ADARB2: variants seen among roughly 807,000 people sequenced by gnomAD.
The protein encoded by ADARB2 is adenosine deaminase RNA specific B2 (inactive), also known as inactive double-stranded RNA-specific editase B2.
ADARB2 carries 25 observed loss-of-function variants against 62.2 expected under a neutral mutation model. The observed-to-expected ratio is 0.40, with a 90% CI of 0.29 to 0.56. The LOEUF (loss-of-function observed/expected upper bound fraction) is 0.56. Among genes scored for constraint, ADARB2 ranks in the 20% least tolerant of loss-of-function variants. ADARB2 has a pLI of 0.43. For missense variants in ADARB2, 1,071 were observed against 1,077.4 expected (o/e 0.99, Z 0.08); for synonymous variants, 572 against 500.8 (o/e 1.14, Z -1.90).
chr10:1,269,958 A>G (rs895613147), intron 4 of ADARB2, among the ~76,000 whole-genome samples: 7 of 152,222 alleles, frequency 4.6e-5, no homozygotes, highest in Admixed American at 2.6e-4. Flanking sequence ...ATATTTATAT[A>G]CTGGATGATG....
At chr10:1,713,605 T>C (rs368637570) in intron 1 of ADARB2, among the ~76,000 whole-genome samples, 37 of 152,154 alleles carry the variant, frequency 2.4e-4, no homozygotes, top group South Asian at 1.9e-3. Flanking sequence ...TTCTATTTGG[T>C]CAAAAAGCAA....
chr10:1,340,057 A>G (rs907773765), intron 3 of ADARB2, among the ~76,000 whole-genome samples: 2 of 151,996 alleles, frequency 1.3e-5, no homozygotes, highest in African/African-American at 4.8e-5. Context: ...TGGGTCCGGA[A>G]TTGAATCAGC....
intron 1 of ADARB2, among the ~76,000 whole-genome samples, chr10:1,662,445 G>T (rs1424728088): frequency 6.6e-6 from 1 of 152,162 alleles, no homozygotes; most frequent in African/African-American, 2.4e-5. Context: ...AGCCTGACCT[G>T]CCTGCTCTTG....
chr10:1,649,004 C>A (rs1386905069), intron 1 of ADARB2, among the ~76,000 whole-genome samples: 1 of 152,192 alleles, frequency 6.6e-6, no homozygotes, highest in Non-Finnish European at 1.5e-5. Flanking sequence ...GATAATAAGG[C>A]ACTTTACAGA....
At chr10:1,402,755 CG>C (rs1832675784) in intron 1 of ADARB2, among the ~76,000 whole-genome samples, 1 of 152,182 alleles carries the variant, frequency 6.6e-6, no homozygotes, top group Non-Finnish European at 1.5e-5. Flanking sequence ...TCAGCTCCAA[CG>C]GGGGCTCTGA....
intron 4 of ADARB2, among the ~76,000 whole-genome samples, chr10:1,268,052 A>G (rs1037834004): frequency 2.0e-5 from 3 of 152,182 alleles, no homozygotes; most frequent in Admixed American, 6.5e-5. Context: ...AGGGAGTGAA[A>G]CCACACCCAA....
At chr10:1,251,345 A>G (rs1831036336) in intron 4 of ADARB2, among the ~76,000 whole-genome samples, 1 of 152,232 alleles carries the variant, frequency 6.6e-6, no homozygotes, top group Non-Finnish European at 1.5e-5. Context: ...ATATTATATG[A>G]TTTCAACTAC....
intron 1 of ADARB2, among the ~76,000 whole-genome samples, chr10:1,524,062 A>ATATT (rs1832109069): frequency 1.1e-5 from 1 of 89,238 alleles, no homozygotes; most frequent in South Asian, 3.4e-4. Context: ...GGATATGAAG[A>ATATT]TAGATAGATA....
chr10:1,362,984 C>A lies in ADARB2; in HGVS notation c.1077+44G>T, dbSNP rs536456518. 229 of 1,281,634 alleles carry A rather than the reference C, an allele frequency of 1.8e-4. 5 individuals are homozygous for A. The South Asian group carries it at 4.9e-3, about 28-fold the overall frequency. 79.4% of individuals were successfully genotyped at this position (1,281,634 alleles called of 1,614,324 possible). ...GGGAAAGGTCGGGGTCTCCCCCGCGCCCCCAGCGCCGCCCGTTCCCCCTGC... is the reference window on the plus strand; with the variant it reads ...GGGAAAGGTCGGGGTCTCCCCCGCGACCCCAGCGCCGCCCGTTCCCCCTGC... On this transcript the variant is annotated intron_variant, in intron 3 of 9. Coordinates refer to ENST00000381312, the MANE Select transcript of ADARB2 (RefSeq NM_018702.4).
rs148609677 is a variant in ADARB2 at position 1,403,552 on chromosome 10, T to A, written c.101-24392A>T. 8.5e-5 allele frequency among the ~76,000 whole-genome samples: 13 copies of A among 152,282 alleles called. No individual in the cohort carries two copies. The East Asian group carries it at 1.5e-3, about 18-fold the overall frequency. ...AGAATGAACCAACTTAGGCAGCAGC[T>A]CTGGGTGAGCTAACGGGGAAGCCAC... is the stretch of plus-strand genomic sequence containing the variant. On this transcript the variant is annotated intron_variant, in intron 1 of 9. Transcript: ENST00000381312.
intron 1 of ADARB2, among the ~76,000 whole-genome samples, chr10:1,513,535 G>C (rs1831965570): frequency 6.6e-6 from 1 of 152,192 alleles, no homozygotes; most frequent in Non-Finnish European, 1.5e-5. Context: ...CATGGTTCTA[G>C]CCAGGAGTCT....
intron 1 of ADARB2, among the ~76,000 whole-genome samples, chr10:1,425,683 C>T (rs1481243120): frequency 2.6e-5 from 4 of 152,228 alleles, no homozygotes; most frequent in Non-Finnish European, 1.5e-5. Context: ...CCATAAAAAC[C>T]AGCTGTGCTC....
intron 3 of ADARB2, among the ~76,000 whole-genome samples, chr10:1,310,588 G>A (rs1831680367): frequency 1.3e-5 from 2 of 152,218 alleles, no homozygotes; most frequent in Admixed American, 1.3e-4. Context: ...AGCCCACTCG[G>A]TGCTGGGCAC....
At position 1,327,748 on chromosome 10, in the gene ADARB2, CA is replaced by C. The variant is rs1423970374; in HGVS notation, c.1077+35279del. Among the ~76,000 whole-genome samples, 14 of 129,138 alleles carry C rather than the reference CA, an allele frequency of 1.1e-4. 2 individuals are homozygous for C. The highest frequency in any genetic ancestry group is 1.2e-4 in the Non-Finnish European group (7 of 57,852). 84.7% of individuals were successfully genotyped at this position (129,138 alleles called of 152,430 possible). A position where few individuals can be genotyped will look rare whatever the true frequency, so the allele number is the denominator to read the frequency against. ...CAGCACCTCCCACGGCACAGCGCCT[CA>C]CTGCACAGCGCCTCCTCACAGCTCA... On this transcript the variant is annotated intron_variant, in intron 3 of 9. Coordinates refer to ENST00000381312, the MANE Select transcript of ADARB2 (RefSeq NM_018702.4).
intron 1 of ADARB2, among the ~76,000 whole-genome samples, chr10:1,404,685 T>G (rs776023213): frequency 2.6e-5 from 4 of 152,292 alleles, no homozygotes; most frequent in Admixed American, 6.5e-5. Context: ...CTCAGAGACC[T>G]GTAAGCTCGC....
At chr10:1,688,970 C>T (rs1009835660) in intron 1 of ADARB2, among the ~76,000 whole-genome samples, 3 of 152,220 alleles carry the variant, frequency 2.0e-5, no homozygotes, top group Non-Finnish European at 4.4e-5. Flanking sequence ...CATGTTACTT[C>T]CTCAGTACAT....
chr10:1,658,791 C>T (rs1443354175), intron 1 of ADARB2, among the ~76,000 whole-genome samples: 1 of 152,234 alleles, frequency 6.6e-6, no homozygotes, highest in Admixed American at 6.5e-5. Context: ...GCAGGACCTG[C>T]CTTTGTGTCG....
At chr10:1,226,731 G>A (rs7100237) in intron 6 of ADARB2, among the ~76,000 whole-genome samples, 3,998 of 152,266 alleles carry the variant, frequency 0.026, 89 homozygotes, top group Middle Eastern at 0.058. Flanking sequence ...AGCAGATATT[G>A]GTGAACCGCA....
intron 1 of ADARB2, among the ~76,000 whole-genome samples, chr10:1,511,226 G>T (rs1398528932): frequency 6.6e-6 from 1 of 152,164 alleles, no homozygotes; most frequent in Non-Finnish European, 1.5e-5. Flanking sequence ...TTATAATATT[G>T]TTAAAAGCTA....
Sources: gnomAD v4.1 joint callset for allele counts (sites outside exome capture counted in the v4.1 genomes callset) on GRCh38, gnomAD v4.1.1 for gene constraint, MANE v1.5 for transcripts, NCBI Gene and HGNC (gene_info 2026-07-23, HGNC 2026-07-21) for gene names.